Variants in ARFRP1 observed in about 807,000 individuals in gnomAD.
ARFRP1 encodes the protein ADP-ribosylation factor-related protein 1.
Under a neutral mutation model 30.3 loss-of-function variants are expected in ARFRP1, and 19 were observed. That is an observed-to-expected ratio of 0.63 (90% CI 0.44 to 0.92). ARFRP1 has a LOEUF of 0.92. Ranked by LOEUF, ARFRP1 falls within the 40% of genes least tolerant of loss-of-function variation. The pLI is 0.00. For synonymous variants in ARFRP1, 133 were observed against 114.2 expected (o/e 1.16, Z -1.05); for missense variants, 245 against 267.5 (o/e 0.92, Z 0.59).
At chr20:63,701,760 CCTG>C (rs895767075) in intron 6 of ARFRP1, 67 bp downstream of exon 6, 2 of 1,437,758 alleles carry the variant, frequency 1.4e-6, no homozygotes, top group African/African-American at 2.8e-5. Context: ...TGGGTGCACA[CCTG>C]CTCCCCTTGC....
At position 63,706,700 on chromosome 20, in the gene ARFRP1, G is replaced by C. The variant is rs749086905; in HGVS notation, c.132C>G (p.Asn44Lys). ...TTTTGGATAGACTCATCCCCTTGTA[G>C]TTCTTGTTAAATCGGGTTTTCGACT... is the stretch of plus-strand genomic sequence containing the variant. ...LEQSKTRFNK[N>K]YKGMSLSKIT... is the part of the protein sequence containing the mutation. Residue 44 changes from asparagine to lysine, a missense_variant, in exon 3 of 8, where the codon AAC becomes AAG. By Grantham distance (94) the Asn-to-Lys change is moderately conservative. Coordinates refer to ENST00000622789, the MANE Select transcript of ARFRP1 (RefSeq NM_001267547.3). The C allele has an allele frequency of 1.9e-6, 3 of 1,614,074 alleles. No homozygotes were observed. Among genetic ancestry groups the C allele is most frequent in the South Asian group, 1.1e-5 (1 of 91,090 alleles).
chr20:63,706,890 G>A (rs2091499936), intron 2 of ARFRP1, 109 bp downstream of exon 2: 2 of 1,348,648 alleles, frequency 1.5e-6, no homozygotes, highest in Non-Finnish European at 2.1e-6. Context: ...TGCCGTCTCA[G>A]GTGAAATTTG....
At chr20:63,701,251 A>AG in intron 6 of ARFRP1, 1 of 529,730 alleles carries the variant, frequency 1.9e-6, no homozygotes, top group Non-Finnish European at 3.9e-6. Flanking sequence ...TGGGGGCAAC[A>AG]GAGCCACCCC....
rs2091483339 is a variant in ARFRP1 at position 63,706,695 on chromosome 20, T to C, written c.137A>G (p.Lys46Arg). The change falls in exon 3 of 8, where the codon AAG (lysine) becomes AGG (arginine). Residue 46 changes from lysine (K) to arginine (R), a missense_variant. Coordinates refer to ENST00000622789, the MANE Select transcript of ARFRP1 (RefSeq NM_001267547.3). ...GGTGATTTTGGATAGACTCATCCCCTTGTAGTTCTTGTTAAATCGGGTTTT... is the reference window on the plus strand; with the variant it reads ...GGTGATTTTGGATAGACTCATCCCCCTGTAGTTCTTGTTAAATCGGGTTTT... The part of the protein sequence containing the change: ...QSKTRFNKNY[K>R]GMSLSKITTT... 2 of 1,613,932 alleles carry C rather than the reference T, an allele frequency of 1.2e-6. No individual in the cohort carries two copies. Among genetic ancestry groups the C allele is most frequent in the African/African-American group, 1.3e-5 (1 of 74,946 alleles).
Position 63,702,213 on chromosome 20 carries a change from T to A in ARFRP1, c.269A>T (p.Tyr90Phe), listed in dbSNP as rs760362380. 1.2e-6 allele frequency: 2 copies of A among 1,611,620 alleles called. No homozygotes were observed. Among genetic ancestry groups the A allele is most frequent in the South Asian group, 2.2e-5 (2 of 91,078 alleles). ...EELQSLWDKY[Y>F]AECHGVIYVI... ...GTAGATGACGCCGTGACACTCCGCA[T>A]AATACTGGGAGGAAGCACCAGGAGT... Residue 90 changes from tyrosine (Y) to phenylalanine (F), a missense_variant, in exon 5 of 8, where the codon TAT becomes TTT. Tyr to Phe is a conservative substitution (Grantham distance 22, BLOSUM62 3). Coordinates refer to ENST00000622789, the MANE Select transcript of ARFRP1 (RefSeq NM_001267547.3).
In ARFRP1 at chr20:63,707,561, T is replaced by C. The variant is rs761891678; in HGVS notation, c.-7+306A>G. On this transcript the variant is annotated intron_variant, in intron 1 of 7. Transcript: ENST00000622789. ...CCCAGGAGCCCCTGCAGGCGCCGGG[T>C]AGGGACGCCCCATCACCCCATTTCT... 6.1e-4 allele frequency: 98 copies of C among 159,760 alleles called. No homozygotes were observed. The highest frequency in any genetic ancestry group is 8.6e-4 in the Non-Finnish European group (63 of 73,120). 9.9% of individuals were successfully genotyped at this position (159,760 alleles called of 1,614,324 possible).
chr20:63,706,750 G>C lies in ARFRP1; in HGVS notation c.94-12C>G. ...TGCTCCAGGAAGGTCTGAGGAGAGA[G>C]GCAGAGGCGAAACACATCAAGGAGG... On this transcript the variant is annotated splice_polypyrimidine_tract_variant and intron_variant, in intron 2 of 7. Coordinates refer to ENST00000622789, the MANE Select transcript of ARFRP1 (RefSeq NM_001267547.3). The C allele has an allele frequency of 1.3e-6, 2 of 1,596,974 alleles. No individual in the cohort carries two copies. The highest frequency in any genetic ancestry group is 3.3e-5 in the Admixed American group (2 of 59,990).
At chr20:63,704,095 G>A (rs1332676663) in intron 4 of ARFRP1, 1 of 152,276 alleles carries the variant, frequency 6.6e-6, no homozygotes, top group Admixed American at 6.5e-5. Context: ...CAGGAGCTGA[G>A]GTCCTGGCAC....
rs1266979890 is a variant in ARFRP1 at position 63,706,666 on chromosome 20, T to A, written c.166A>T (p.Thr56Ser). Residue 56 changes from threonine to serine, a missense_variant, in exon 3 of 8, where the codon ACC becomes TCC. Coordinates refer to ENST00000622789, the MANE Select transcript of ARFRP1 (RefSeq NM_001267547.3). ...AGACCCTTACTGTTTAGGCCCACGG[T>A]GGTGGTGATTTTGGATAGACTCATC... ...KGMSLSKITT[T>S]VGLNIGTVDV... 2 of 1,612,662 alleles carry A rather than the reference T, an allele frequency of 1.2e-6. No homozygotes were observed. Among genetic ancestry groups the A allele is most frequent in the South Asian group, 1.1e-5 (1 of 91,052 alleles).
In ARFRP1 at chr20:63,700,533, G is replaced by A. The variant is rs2091149349; in HGVS notation, c.519-3C>T. ...CGATGCCCTCGCGCACCCCTTTGCT[G>A]TGAAGACAGCGGGTGTGAGGCGGGG... On this transcript the variant is annotated splice_polypyrimidine_tract_variant and splice_region_variant and intron_variant, in intron 7 of 7. Transcript: ENST00000622789. The A allele has an allele frequency of 6.2e-7, 1 of 1,610,798 alleles. No homozygotes were observed. The highest frequency in any genetic ancestry group is 1.3e-5 in the African/African-American group (1 of 74,908).
chr20:63,707,099 T>C lies in ARFRP1; in HGVS notation c.-6-2A>G. 6.2e-7 allele frequency: 1 copy of C among 1,601,552 alleles called. No homozygotes were observed. On this transcript the variant is annotated splice_acceptor_variant, in intron 1 of 7. Coordinates refer to ENST00000622789, the MANE Select transcript of ARFRP1 (RefSeq NM_001267547.3). LOFTEE classifies it low-confidence loss of function (5UTR_SPLICE). ...CGACAGCAGCGTGTACATCCTGCCC[T>C]GGGCACCCCAACATAGGTCAGTGTG...
chr20:63,702,916 G>A (rs141639657), intron 4 of ARFRP1: 1 of 152,882 alleles, frequency 6.5e-6, no homozygotes, highest in Non-Finnish European at 1.5e-5. Context: ...CAGAGTCACT[G>A]AGCTCAGACC....
rs113013700 is a variant in ARFRP1, at chr20:63,701,809, G to C, written c.417+21C>G. The C allele has an allele frequency of 6.8e-4, 1,056 of 1,549,148 alleles. 2 individuals are homozygous for C. In the African/African-American group the frequency reaches 0.013, roughly 19 times the overall value. On this transcript the variant is annotated intron_variant, in intron 6 of 7. Transcript: ENST00000622789. ...GCTGGGGACTCGGGAAGCTGCTGCG[G>C]GAGGCAGGGGTGGGGCTCACCTCCA...
intron 4 of ARFRP1, chr20:63,705,016 C>G (rs1238965636): frequency 6.5e-6 from 1 of 152,864 alleles, no homozygotes; most frequent in Non-Finnish European, 1.5e-5. Context: ...TCTCCTCTCC[C>G]GTCCTCCCTG....
Position 63,702,007 on chromosome 20 carries a change from C to CT in ARFRP1, c.347-108_347-107insA, listed in dbSNP as rs1026606806. On this transcript the variant is annotated intron_variant, in intron 5 of 7. Coordinates refer to ENST00000622789, the MANE Select transcript of ARFRP1 (RefSeq NM_001267547.3). Reference sequence around the variant, plus strand: ...GACAGCCACTCCCTCTGCCCCCCCCCCCCCCGTCACCCACTAGGCAGGAGC... The same window carrying CT: ...GACAGCCACTCCCTCTGCCCCCCCCCTCCCCCGTCACCCACTAGGCAGGAGC... The CT allele has an allele frequency of 2.5e-5, 26 of 1,029,948 alleles. 4 individuals carry two copies. The highest frequency in any genetic ancestry group is 9.3e-5 in the Admixed American group (4 of 42,936). The allele number at this position is 1,029,948 out of a possible 1,614,324, so 63.8% of individuals were successfully genotyped here. A position where few individuals can be genotyped will look rare whatever the true frequency, so the allele number is the denominator to read the frequency against.
In ARFRP1 at chr20:63,700,137, C is replaced by T. The variant is rs530347702; in HGVS notation, c.*306G>A. 1.4e-5 allele frequency: 6 copies of T among 416,310 alleles called. No homozygotes were observed. Among genetic ancestry groups the T allele is most frequent in the African/African-American group, 1.2e-4 (6 of 49,178 alleles). The allele number at this position is 416,310 out of a possible 1,614,324, so 25.8% of individuals were successfully genotyped here. A position where few individuals can be genotyped will look rare whatever the true frequency, so the allele number is the denominator to read the frequency against. ...GCCCAAGCCAGCCTGAGCACTGGAG[C>T]CCCAATTCCCAACCAGGTCTCCCTC... is the stretch of plus-strand genomic sequence containing the variant. On this transcript the variant is annotated 3_prime_UTR_variant, in exon 8 of 8. Transcript: ENST00000622789.
intron 5 of ARFRP1, 69 bp downstream of exon 5, chr20:63,702,067 A>G: frequency 6.8e-7 from 1 of 1,470,048 alleles, no homozygotes; most frequent in Non-Finnish European, 9.3e-7. Flanking sequence ...CCCCAGGCAC[A>G]GAGCTGCCCA....
At chr20:63,702,010 C>G (rs962586121) in intron 5 of ARFRP1, 110 bp from the exon 6 acceptor site, 86 of 893,112 alleles carry the variant, frequency 9.6e-5, no homozygotes, top group East Asian at 4.4e-4. Context: ...CCCCCCCCCC[C>G]CCGTCACCCA....
intron 4 of ARFRP1, chr20:63,703,751 G>A (rs2091323530): frequency 1.3e-5 from 2 of 152,332 alleles, no homozygotes; most frequent in East Asian, 1.9e-4. Context: ...TGGACCATGG[G>A]ACCACGTGGC....
Sources: allele counts gnomAD v4.1 joint callset, GRCh38; gene constraint gnomAD v4.1.1; transcripts MANE v1.5; gene names NCBI Gene and HGNC (gene_info 2026-07-23, HGNC 2026-07-21).